The following KIAA0586 variants were observed in gnomAD, a reference collection of about 807,000 sequenced individuals.
KIAA0586 encodes protein TALPID3.
In KIAA0586, 144 loss-of-function variants were observed where a neutral mutation model predicts 169.8. The observed-to-expected ratio is 0.85, with a 90% CI of 0.74 to 0.97. KIAA0586 has a LOEUF of 0.97. KIAA0586 is among the 50% of genes least tolerant of loss of function. The pLI is 0.00. For synonymous variants in KIAA0586, 625 were observed against 612.4 expected (o/e 1.02, Z -0.30); for missense variants, 1,854 against 1,823.0 (o/e 1.02, Z -0.31).
At chr14:58,466,591 T>G (rs1462050126) in intron 15 of KIAA0586, among the ~76,000 whole-genome samples, 1 of 151,958 alleles carries the variant, frequency 6.6e-6, no homozygotes, top group Non-Finnish European at 1.5e-5. Flanking sequence ...TTAGCTGGGC[T>G]TGATGGCTAA....
Position 58,492,183 on chromosome 14 carries a change from T to C in KIAA0586, c.3898T>C (p.Ser1300Pro). The C allele has an allele frequency of 6.5e-7, 1 of 1,549,604 alleles. No homozygotes were observed. The highest frequency in any genetic ancestry group is 1.4e-5 in the African/African-American group (1 of 73,114). The change falls in exon 26 of 31, where the codon TCC (serine) becomes CCC (proline). Residue 1300 changes from serine to proline, a missense_variant. Coordinates refer to ENST00000652326, the MANE Select transcript of KIAA0586 (RefSeq NM_001329943.3). ...PPSEGQVIRM[S>P]HKKFHADAIL... ...TAGTGAAGGGCAAGTGATTAGGATG[T>C]CCCATAAAAAATTTCATGCAGATGC...
At chr14:58,458,618 A>AC in intron 12 of KIAA0586, 73 bp downstream of exon 12, 1 of 758,502 alleles carries the variant, frequency 1.3e-6, no homozygotes, top group South Asian at 2.0e-5. Flanking sequence ...TACAGGCATT[A>AC]CATTTGTTTT....
intron 4 of KIAA0586, among the ~76,000 whole-genome samples, chr14:58,441,665 G>T (rs541120109): frequency 9.9e-5 from 15 of 151,904 alleles, no homozygotes; most frequent in Non-Finnish European, 1.5e-4. Context: ...ACAGAGTCTC[G>T]CTGTGTCACC....
In KIAA0586 at chr14:58,457,909, C is replaced by A; in HGVS notation, c.1513C>A (p.Leu505Met). The A allele has an allele frequency of 6.2e-7, 1 of 1,606,004 alleles. No individual in the cohort carries two copies. The highest frequency in any genetic ancestry group is 2.2e-5 in the East Asian group (1 of 44,716). Residue 505 changes from leucine to methionine, a missense_variant, in exon 11 of 31, where the codon CTG becomes ATG. By Grantham distance (15) the Leu-to-Met change is conservative. Coordinates refer to ENST00000652326, the MANE Select transcript of KIAA0586 (RefSeq NM_001329943.3). The part of the protein sequence containing the change: ...QNNKKVLEEN[L>M]EAIIRAKDGA... The stretch of plus-strand genomic sequence containing the variant: ...CAATAAAAAAGTACTTGAAGAAAAC[C>A]TGGAAGCTATTATTCGTGCAAAAGA...
chr14:58,511,923 A>G (rs369185767), intron 28 of KIAA0586, among the ~76,000 whole-genome samples: 7 of 152,274 alleles, frequency 4.6e-5, no homozygotes, highest in African/African-American at 1.7e-4. Flanking sequence ...AAATCACACA[A>G]TTTGTGATGT....
rs565044726 is a variant in KIAA0586 at position 58,440,371 on chromosome 14, G to A, written c.411-2335G>A. Among the ~76,000 whole-genome samples the A allele has an allele frequency of 8.0e-5, 12 of 150,816 alleles. No homozygotes were observed. In the South Asian group the frequency reaches 1.5e-3, roughly 18 times the overall value. ...CTTTAGACTGAGTTTCGCTCTTGTCGCCCAGGCTGGAATGCAATGGTGTGA... is the reference window on the plus strand; with the variant it reads ...CTTTAGACTGAGTTTCGCTCTTGTCACCCAGGCTGGAATGCAATGGTGTGA... On this transcript the variant is annotated intron_variant, in intron 4 of 30. Transcript: ENST00000652326.
chr14:58,479,959 G>C (rs568944967), intron 20 of KIAA0586, among the ~76,000 whole-genome samples: 23 of 152,172 alleles, frequency 1.5e-4, no homozygotes, highest in Middle Eastern at 3.4e-3. Flanking sequence ...GATAGTGAAA[G>C]TTTTTCTAAC....
intron 30 of KIAA0586, among the ~76,000 whole-genome samples, chr14:58,545,325 C>T (rs182431719): frequency 6.6e-6 from 1 of 152,320 alleles, no homozygotes; most frequent in Admixed American, 6.5e-5. Context: ...GACTTGGAAA[C>T]TTCTAGGAGA....
At chr14:58,532,275 A>C (rs372488949) in intron 29 of KIAA0586, among the ~76,000 whole-genome samples, 2 of 152,184 alleles carry the variant, frequency 1.3e-5, no homozygotes, top group Non-Finnish European at 2.9e-5. Flanking sequence ...ATAAGATGGC[A>C]TCAAACTACA....
chr14:58,458,444 T>A, intron 11 of KIAA0586, 29 bp from the exon 12 acceptor site: 1 of 1,318,022 alleles, frequency 7.6e-7, no homozygotes, highest in East Asian at 2.6e-5. Context: ...AAGTGCTAAT[T>A]TAAGAAAATT....
At position 58,508,689 on chromosome 14, in the gene KIAA0586, G is replaced by C; in HGVS notation, c.4303G>C (p.Ala1435Pro). 1.3e-6 allele frequency: 2 copies of C among 1,588,486 alleles called. No homozygotes were observed. Among genetic ancestry groups the C allele is most frequent in the Non-Finnish European group, 8.6e-7 (1 of 1,166,560 alleles). ...AGAAAATGATGTTAATTTACCAGTA[G>C]CCGCTGAAGATTTTTCCCAGGTACC... ...AQENDVNLPV[A>P]AEDFSQYQLK... Residue 1435 changes from alanine to proline, a missense_variant, in exon 28 of 31, where the codon GCC (alanine) becomes CCC (proline). Physicochemically the swap from Ala to Pro is conservative, Grantham distance 27 (BLOSUM62 -1). Coordinates refer to ENST00000652326, the MANE Select transcript of KIAA0586 (RefSeq NM_001329943.3).
downstream of KIAA0586, among the ~76,000 whole-genome samples, chr14:58,556,022 T>G (rs1250892939): frequency 6.6e-6 from 1 of 152,254 alleles, no homozygotes; most frequent in Non-Finnish European, 1.5e-5. Flanking sequence ...GAATAGCTTA[T>G]AATGCATTTT....
Position 58,474,643 on chromosome 14 carries a change from C to T in KIAA0586, c.2671C>T (p.Pro891Ser). 6.3e-7 allele frequency: 1 copy of T among 1,597,240 alleles called. No individual in the cohort carries two copies. The highest frequency in any genetic ancestry group is 8.5e-7 in the Non-Finnish European group (1 of 1,175,238). Reference protein sequence around the residue: ...EKCDEIPDSEPILEFNRSVKA... With the variant: ...EKCDEIPDSESILEFNRSVKA... ...ATGTGATGAAATTCCAGACTCTGAA[C>T]CAATTCTGGAGTTTAACAGAAGTGT... is the stretch of plus-strand genomic sequence containing the variant. Residue 891 changes from proline (P) to serine (S), a missense_variant, in exon 19 of 31, where the codon CCA becomes TCA. Transcript: ENST00000652326.
chr14:58,436,317 A>T (rs1402427855), intron 4 of KIAA0586, among the ~76,000 whole-genome samples: 1 of 152,212 alleles, frequency 6.6e-6, no homozygotes, highest in African/African-American at 2.4e-5. Flanking sequence ...TCAATAATAA[A>T]ATGAAATAAC....
chr14:58,484,888 A>ATTTATATATATATTTATATATATT lies in KIAA0586; in HGVS notation c.3145-2106_3145-2105insTTATATATATTTTTATATATATAT, dbSNP rs1555391458. On this transcript the variant is annotated intron_variant, in intron 21 of 30. Coordinates refer to ENST00000652326, the MANE Select transcript of KIAA0586 (RefSeq NM_001329943.3). ...CAAATTTTATATATATTATATATAT[A>ATTTATATATATATTTATATATATT]TTTATATATATATATATATATATAT... Among the ~76,000 whole-genome samples the ATTTATATATATATTTATATATATT allele has an allele frequency of 7.5e-3, 138 of 18,482 alleles. 5 individuals are homozygous for ATTTATATATATATTTATATATATT. Among genetic ancestry groups the ATTTATATATATATTTATATATATT allele is most frequent in the Admixed American group, 0.012 (9 of 734 alleles). 12.1% of individuals were successfully genotyped at this position (18,482 alleles called of 152,430 possible).
intron 27 of KIAA0586, among the ~76,000 whole-genome samples, chr14:58,501,657 CAT>C (rs1389921845): frequency 6.6e-6 from 1 of 152,114 alleles, no homozygotes; most frequent in Non-Finnish European, 1.5e-5. Context: ...AGATTGAACA[CAT>C]ATGTAAGGCA....
intron 22 of KIAA0586, among the ~76,000 whole-genome samples, 177 bp from the exon 23 acceptor site, chr14:58,487,710 A>G (rs1204660495): frequency 6.6e-6 from 1 of 152,112 alleles, no homozygotes; most frequent in African/African-American, 2.4e-5. Flanking sequence ...ACGCTTCACT[A>G]AATTTAGGAA....
intron 29 of KIAA0586, among the ~76,000 whole-genome samples, chr14:58,517,316 G>C (rs1453005272): frequency 1.3e-5 from 2 of 152,094 alleles, no homozygotes; most frequent in Non-Finnish European, 2.9e-5. Flanking sequence ...ATGCATAAAA[G>C]ATTTGAACAG....
chr14:58,560,600 T>C, the KIAA0586 span, among the ~76,000 whole-genome samples: 1 of 152,218 alleles, frequency 6.6e-6, no homozygotes. Context: ...TTTCAGTTTA[T>C]ATGAGCCTGA....
Sources: allele counts gnomAD v4.1 joint callset (sites outside exome capture counted in the v4.1 genomes callset), GRCh38; gene constraint gnomAD v4.1.1; transcripts MANE v1.5; gene names NCBI Gene and HGNC (gene_info 2026-07-23, HGNC 2026-07-21).